The following TECTA variants were observed in gnomAD, a reference collection of about 807,000 sequenced individuals.
TECTA encodes alpha-tectorin.
Under a neutral mutation model 216.8 loss-of-function variants are expected in TECTA, and 128 were observed. The ratio of observed to expected loss-of-function variants is 0.59; its 90% CI spans 0.51 to 0.68. TECTA has a LOEUF of 0.68. Ranked by LOEUF, TECTA falls within the 30% of genes least tolerant of loss-of-function variation. The pLI is 0.00. For missense variants in TECTA, 2,551 were observed against 2,786.2 expected (o/e 0.92, Z 1.90); for synonymous variants, 1,089 against 1,117.1 (o/e 0.97, Z 0.50).
intron 13 of TECTA, among the ~76,000 whole-genome samples, chr11:121,156,749 C>T (rs566840214): frequency 6.6e-6 from 1 of 152,270 alleles, no homozygotes; most frequent in East Asian, 1.9e-4. Flanking sequence ...TCCACCTCAA[C>T]CTCCCAAAGT....
chr11:121,119,686 T>A (rs1946538217), intron 7 of TECTA, among the ~76,000 whole-genome samples: 1 of 152,200 alleles, frequency 6.6e-6, no homozygotes, highest in Non-Finnish European at 1.5e-5. Context: ...CTGATGCCAA[T>A]GCAGGGATTT....
At chr11:121,187,744 T>G (rs1947301356) in intron 20 of TECTA, 88 bp from the exon 21 acceptor site, 1 of 1,498,978 alleles carries the variant, frequency 6.7e-7, no homozygotes. Flanking sequence ...TGGTTTTATG[T>G]GAAAAGTGAA....
intron 16 of TECTA, among the ~76,000 whole-genome samples, chr11:121,164,162 G>A (rs1343236335): frequency 6.6e-6 from 1 of 152,170 alleles, no homozygotes; most frequent in Non-Finnish European, 1.5e-5. Flanking sequence ...TTCCCTGTGT[G>A]TGTGGGTATG....
chr11:121,142,246 C>A (rs1015947719), intron 11 of TECTA, among the ~76,000 whole-genome samples: 38 of 152,308 alleles, frequency 2.5e-4, no homozygotes, highest in African/African-American at 7.7e-4. Flanking sequence ...CACTTTCCCC[C>A]ACTCCTCCCA....
At chr11:121,179,049 A>T (rs772015091) in intron 20 of TECTA, among the ~76,000 whole-genome samples, 1 of 151,976 alleles carries the variant, frequency 6.6e-6, no homozygotes, top group Non-Finnish European at 1.5e-5. Flanking sequence ...TTTACATTTC[A>T]TTGATTCTTT....
Position 121,102,755 on chromosome 11 carries a change from C to T in TECTA, c.64+26C>T, listed in dbSNP as rs559610902. On this transcript the variant is annotated intron_variant, in intron 2 of 23. Transcript: ENST00000392793. ...GTGAGTACTACAGAATTCCATAAAG[C>T]TCTCAGTTAGCATGCTCTTGAATTG... 754 of 1,602,168 alleles carry T rather than the reference C, an allele frequency of 4.7e-4. 6 individuals carry two copies. In the South Asian group the frequency reaches 7.8e-3, roughly 17 times the overall value.
In TECTA at chr11:121,113,537, T is replaced by C; in HGVS notation, c.625-16T>C. The C allele has an allele frequency of 6.2e-7, 1 of 1,614,058 alleles. No homozygotes were observed. Among genetic ancestry groups the C allele is most frequent in the Non-Finnish European group, 8.5e-7 (1 of 1,180,022 alleles). The stretch of plus-strand genomic sequence containing the variant: ...ATTTTTGTACTCAAAAATCTTGTCT[T>C]CCTTTTGTGCTGCAGGCAGGATTTA... On this transcript the variant is annotated splice_polypyrimidine_tract_variant and intron_variant, in intron 5 of 23. Transcript: ENST00000392793. This position sits in a 1 kb window ranked among gnomAD's most constrained non-coding sequence, Gnocchi z 4.2.
At chr11:121,142,084 A>G (rs147612555) in intron 11 of TECTA, among the ~76,000 whole-genome samples, 15 of 152,200 alleles carry the variant, frequency 9.9e-5, no homozygotes, top group African/African-American at 3.6e-4. Flanking sequence ...ATTGGTGCAG[A>G]CTCAAGGTGG....
chr11:121,114,869 C>T (rs1946485550), intron 6 of TECTA, among the ~76,000 whole-genome samples: 1 of 69,128 alleles, frequency 1.4e-5, no homozygotes, highest in South Asian at 6.0e-4. Context: ...ATTTATCCAT[C>T]TACCCATTCA....
rs1201927270 is a variant in TECTA, at chr11:121,156,402, G to A, written c.4306-1439G>A. ...TCTGTCACCCAGGCTGGAGTGTAAT[G>A]GCACGATCTAGGCTCACGGCAACCT... On this transcript the variant is annotated intron_variant, in intron 13 of 23. Coordinates refer to ENST00000392793, the MANE Select transcript of TECTA (RefSeq NM_005422.4). Among the ~76,000 whole-genome samples the A allele has an allele frequency of 3.3e-5, 5 of 152,174 alleles. No homozygotes were observed. The East Asian group carries it at 9.7e-4, about 29-fold the overall frequency.
intron 12 of TECTA, among the ~76,000 whole-genome samples, chr11:121,147,667 A>G (rs1831483154): frequency 6.6e-6 from 1 of 152,208 alleles, no homozygotes; most frequent in African/African-American, 2.4e-5. Flanking sequence ...CCAGCTTTGG[A>G]CGCAAAGGCC....
intron 19 of TECTA, 59 bp downstream of exon 19, chr11:121,168,276 G>C: frequency 1.2e-6 from 2 of 1,608,438 alleles, no homozygotes; most frequent in Non-Finnish European, 1.7e-6. Flanking sequence ...GTTAAGGTTA[G>C]CATAATCAAA....
intron 17 of TECTA, 115 bp downstream of exon 17, chr11:121,165,498 G>A (rs1436506132): frequency 4.8e-6 from 4 of 828,658 alleles, no homozygotes; most frequent in Non-Finnish European, 1.9e-6. Context: ...GAAGCTTTCA[G>A]GAGCATTTAA....
At position 121,137,412 on chromosome 11, in the gene TECTA, C is replaced by A; in HGVS notation, c.2942-9C>A. The A allele has an allele frequency of 6.2e-7, 1 of 1,613,920 alleles. No individual in the cohort carries two copies. The highest frequency in any genetic ancestry group is 8.5e-7 in the Non-Finnish European group (1 of 1,180,016). On this transcript the variant is annotated splice_polypyrimidine_tract_variant and intron_variant, in intron 10 of 23. Coordinates refer to ENST00000392793, the MANE Select transcript of TECTA (RefSeq NM_005422.4). ...TTCTCAAACCCGTCTTCTCCTTGAC[C>A]ACCTGCAGCACTGGAGTGCCCAGAG...
chr11:121,137,780 A>C lies in TECTA; in HGVS notation c.3301A>C (p.Ile1101Leu). 3 of 1,614,168 alleles carry C rather than the reference A, an allele frequency of 1.9e-6. No individual in the cohort carries two copies. Among genetic ancestry groups the C allele is most frequent in the Non-Finnish European group, 2.5e-6 (3 of 1,180,016 alleles). ...YCQARTDASC[I>L]VSGYGHYLTF... ...CCAAGCCCGCACCGACGCCTCCTGC[A>C]TCGTCTCAGGCTACGGCCACTACCT... The change falls in exon 11 of 24, where the codon ATC becomes CTC. Residue 1101 changes from isoleucine to leucine, a missense_variant. Coordinates refer to ENST00000392793, the MANE Select transcript of TECTA (RefSeq NM_005422.4).
chr11:121,161,768 T>C (rs1387704107), intron 15 of TECTA, among the ~76,000 whole-genome samples: 2 of 151,574 alleles, frequency 1.3e-5, no homozygotes, highest in African/African-American at 2.4e-5. Flanking sequence ...ATCATATCAA[T>C]CAATTATGTC....
chr11:121,134,325 C>CCACACA lies in TECTA; in HGVS notation c.2942-3078_2942-3073dup, dbSNP rs6144537. 2.2e-4 allele frequency among the ~76,000 whole-genome samples: 32 copies of CCACACA among 146,966 alleles called. 1 individual carries two copies. Among genetic ancestry groups the CCACACA allele is most frequent in the East Asian group, 1.4e-3 (7 of 5,028 alleles). On this transcript the variant is annotated intron_variant, in intron 10 of 23. Coordinates refer to ENST00000392793, the MANE Select transcript of TECTA (RefSeq NM_005422.4). ...CAACAGACGGAGCTGAAAACCAACA[C>CCACACA]CACACACACACACACACACACACGC...
At chr11:121,116,829 G>A (rs923774191) in intron 6 of TECTA, among the ~76,000 whole-genome samples, 9 of 152,220 alleles carry the variant, frequency 5.9e-5, no homozygotes, top group Non-Finnish European at 2.9e-5. Context: ...GATGCTGAGT[G>A]GAGGCTGTCA....
intron 11 of TECTA, among the ~76,000 whole-genome samples, chr11:121,143,750 C>A (rs877538): frequency 0.27 from 41,332 of 152,070 alleles, 7,092 homozygotes; most frequent in African/African-American, 0.48. Context: ...TGCCCCAGGA[C>A]AAAGGTGGGG....
Sources: allele counts gnomAD v4.1 joint callset (sites outside exome capture counted in the v4.1 genomes callset), GRCh38; gene constraint gnomAD v4.1.1; non-coding constraint Gnocchi (gnomAD v3.1); transcripts MANE v1.5; gene names NCBI Gene and HGNC (gene_info 2026-07-23, HGNC 2026-07-21).